CDC42BPB: variants seen among roughly 807,000 people sequenced by gnomAD.
The protein encoded by CDC42BPB is serine/threonine-protein kinase MRCK beta.
In CDC42BPB, 37 loss-of-function variants were observed where a neutral mutation model predicts 214.9. The observed-to-expected ratio is 0.17, with a 90% confidence interval of 0.13 to 0.23. CDC42BPB has a LOEUF of 0.23. Among genes scored for constraint, CDC42BPB ranks in the 10% least tolerant of loss-of-function variants. The pLI is 1.00. For synonymous variants in CDC42BPB, 931 were observed against 884.0 expected, an observed-to-expected ratio of 1.05 and a Z score of -0.94; for missense variants, 1,694 against 2,227.0, an observed-to-expected ratio of 0.76 and a Z score of 4.82.
chr14:102,952,070 G>A (rs1346988261), intron 24 of CDC42BPB, among the ~76,000 whole-genome samples: 3 of 152,196 alleles, frequency 2.0e-5, no homozygotes, highest in Non-Finnish European at 4.4e-5. Context: ...CTGCCAGGCT[G>A]GGTGCAGTGG....
At chr14:103,032,535 C>CAAAAAAAAAAAAA in intron 1 of CDC42BPB, among the ~76,000 whole-genome samples, 1 of 45,046 alleles carries the variant, frequency 2.2e-5, no homozygotes, top group East Asian at 7.3e-4. Context: ...AAATAAACTG[C>CAAAAAAAAAAAAA]AAAAAAAAAA....
At chr14:103,006,161 C>T (rs796314450) in intron 3 of CDC42BPB, among the ~76,000 whole-genome samples, 8 of 152,172 alleles carry the variant, frequency 5.3e-5, no homozygotes, top group African/African-American at 1.9e-4. Flanking sequence ...CCTCTGCCAA[C>T]AGCCACCTCA....
intron 7 of CDC42BPB, chr14:102,981,258 T>A (rs924540142): frequency 1.5e-5 from 13 of 885,642 alleles, no homozygotes; most frequent in Non-Finnish European, 1.8e-5. Flanking sequence ...AAATGACACA[T>A]TTTACCTATG....
intron 34 of CDC42BPB, 82 bp from the exon 35 acceptor site, chr14:102,938,493 C>T: frequency 6.7e-7 from 1 of 1,485,080 alleles, no homozygotes; most frequent in South Asian, 1.4e-5. Context: ...CCTACGGTGG[C>T]TGTGGCCTCG....
intron 18 of CDC42BPB, 113 bp downstream of exon 18, chr14:102,966,169 G>A: frequency 1.4e-6 from 1 of 730,010 alleles, no homozygotes; most frequent in Non-Finnish European, 2.3e-6. Flanking sequence ...TGGTTACACA[G>A]AAGTCTCTTG....
chr14:102,946,893 G>A (rs928789925), intron 27 of CDC42BPB: 1 of 984,768 alleles, frequency 1.0e-6, no homozygotes, highest in Admixed American at 6.1e-5. Context: ...ACAGCCCCGT[G>A]AGATCGCTTC....
At chr14:103,049,005 A>G (rs1409736511) in intron 1 of CDC42BPB, among the ~76,000 whole-genome samples, 1 of 152,228 alleles carries the variant, frequency 6.6e-6, no homozygotes, top group Non-Finnish European at 1.5e-5. Context: ...ACAGTTACCT[A>G]ACAATAAGAA....
intron 6 of CDC42BPB, chr14:102,983,981 G>C (rs979100671): frequency 1.4e-6 from 1 of 716,418 alleles, no homozygotes. Context: ...CTTGAGCCCA[G>C]GAGCTCAAGG....
chr14:102,962,093 T>A (rs1277926184), intron 20 of CDC42BPB, among the ~76,000 whole-genome samples: 3 of 152,170 alleles, frequency 2.0e-5, no homozygotes, highest in Non-Finnish European at 2.9e-5. Context: ...AATATGCAAG[T>A]TAAACCTCTA....
rs1227947582 is a variant in CDC42BPB at position 102,933,301 on chromosome 14, C to T, written c.*411G>A. ...GACCTCCTACTATTCTCTTAAGGTCCTAGGAAAGTTTCAGGAACTAGGGAA... is the reference window on the plus strand; with the variant it reads ...GACCTCCTACTATTCTCTTAAGGTCTTAGGAAAGTTTCAGGAACTAGGGAA... On this transcript the variant is annotated 3_prime_UTR_variant, in exon 37 of 37. Transcript: ENST00000361246. The T allele has an allele frequency of 4.2e-5, 7 of 166,216 alleles. No homozygotes were observed. In the Admixed American group the frequency reaches 4.5e-4, roughly 11 times the overall value. 10.3% of individuals were successfully genotyped at this position (166,216 alleles called of 1,614,324 possible).
chr14:103,036,391 G>A (rs548791465), intron 1 of CDC42BPB, among the ~76,000 whole-genome samples: 2 of 151,998 alleles, frequency 1.3e-5, no homozygotes, highest in East Asian at 1.9e-4. Context: ...TCCTGACCTC[G>A]TGATCCACCT....
At chr14:102,960,032 T>C in intron 20 of CDC42BPB, among the ~76,000 whole-genome samples, 1 of 150,532 alleles carries the variant, frequency 6.6e-6, no homozygotes, top group East Asian at 2.0e-4. Context: ...CATGGTGAAA[T>C]CCCATCTCTG....
Position 102,943,970 on chromosome 14 carries a change from G to T in CDC42BPB, c.4329C>A (p.His1443Gln). Residue 1443 changes from histidine to glutamine, a missense_variant, in exon 30 of 37, where the codon CAC (histidine) becomes CAA (glutamine). By Grantham distance (24) the His-to-Gln change is conservative. Coordinates refer to ENST00000361246, the MANE Select transcript of CDC42BPB (RefSeq NM_006035.4). This position sits in a 1 kb window ranked among gnomAD's most constrained non-coding sequence, Gnocchi z 4.6. ...ESEEYLLCFS[H>Q]MGLYVDPQGR... ...CTTGCGGGTCCACGTACAGTCCCAT[G>T]TGGCTGAAGCAAAGCAGGTACTCCT... 2 of 1,613,032 alleles carry T rather than the reference G, an allele frequency of 1.2e-6. No individual in the cohort carries two copies. Among genetic ancestry groups the T allele is most frequent in the Non-Finnish European group, 1.7e-6 (2 of 1,180,014 alleles).
chr14:103,011,186 C>T (rs868132397), intron 2 of CDC42BPB, among the ~76,000 whole-genome samples: 3 of 152,236 alleles, frequency 2.0e-5, no homozygotes, highest in Admixed American at 1.3e-4. Flanking sequence ...GCCTGGAAGG[C>T]GAGGCCACAC....
chr14:103,049,715 CTTTT>C (rs1566927821), intron 1 of CDC42BPB, among the ~76,000 whole-genome samples: 3 of 152,130 alleles, frequency 2.0e-5, no homozygotes, highest in African/African-American at 7.2e-5. Context: ...TTAACCTTAA[CTTTT>C]TTTATTTATT....
chr14:102,969,781 A>ACG (rs144470602), intron 14 of CDC42BPB, among the ~76,000 whole-genome samples: 263 of 152,352 alleles, frequency 1.7e-3, no homozygotes, highest in African/African-American at 6.0e-3. Flanking sequence ...GCAGCAGGCT[A>ACG]CGGGCTTTAA....
rs1002163252 is a variant in CDC42BPB, at chr14:103,057,250, G to A, written c.-77C>T. On this transcript the variant is annotated 5_prime_UTR_variant, in exon 1 of 37. Transcript: ENST00000361246. ...CAGTCCGTCAGGGCGCGCCCTCGGG[G>A]GCTCGGCGGCTGCGAGCCCCGGCAG... is the stretch of plus-strand genomic sequence containing the variant. The A allele has an allele frequency of 1.9e-3, 2,290 of 1,194,600 alleles. 1 individual carries two copies. The highest frequency in any genetic ancestry group is 2.3e-3 in the Non-Finnish European group (2,197 of 964,288). The allele number at this position is 1,194,600 out of a possible 1,614,324, so 74.0% of individuals were successfully genotyped here.
chr14:103,030,588 T>C (rs982368132), intron 1 of CDC42BPB, among the ~76,000 whole-genome samples: 1 of 152,018 alleles, frequency 6.6e-6, no homozygotes, highest in African/African-American at 2.4e-5. Flanking sequence ...CCCAGCTACT[T>C]GGGCGGCTGA....
intron 14 of CDC42BPB, among the ~76,000 whole-genome samples, chr14:102,969,609 G>A (rs1470602323): frequency 1.3e-5 from 2 of 152,216 alleles, no homozygotes; most frequent in African/African-American, 2.4e-5. Context: ...TCACACATGA[G>A]GAGATCCAGG....
Sources: allele counts gnomAD v4.1 joint callset (sites outside exome capture counted in the v4.1 genomes callset), GRCh38; gene constraint gnomAD v4.1.1; non-coding constraint Gnocchi (gnomAD v3.1); transcripts MANE v1.5; gene names NCBI Gene and HGNC (gene_info 2026-07-23, HGNC 2026-07-21).